Variants in LDB2 observed in about 807,000 individuals in gnomAD.
LDB2 encodes the protein LIM domain-binding protein 2.
LDB2 carries 12 observed loss-of-function variants against 44.3 expected under a neutral mutation model. The ratio of observed to expected loss-of-function variants is 0.27; its 90% CI spans 0.17 to 0.44. The LOEUF (loss-of-function observed/expected upper bound fraction) is 0.44, where lower values mean the gene tolerates loss of function less well. LDB2 is among the 20% of genes least tolerant of loss of function. The pLI is 1.00. For synonymous variants in LDB2, 164 were observed against 174.8 expected (o/e 0.94, Z 0.49); for missense variants, 344 against 473.5 (o/e 0.73, Z 2.54).
intron 5 of LDB2, among the ~76,000 whole-genome samples, chr4:16,576,606 AG>A (rs1711711621): frequency 1.3e-5 from 2 of 152,338 alleles, no homozygotes; most frequent in Admixed American, 6.5e-5. Context: ...CTTTCAGCAA[AG>A]AAAAGCCCAG....
intron 1 of LDB2, among the ~76,000 whole-genome samples, chr4:16,862,896 GC>G (rs1222786603): frequency 1.3e-5 from 2 of 152,262 alleles, no homozygotes; most frequent in East Asian, 3.9e-4. Flanking sequence ...AAGATGCCAA[GC>G]CCCTCAGAGA....
intron 2 of LDB2, chr4:16,750,974 C>T (rs1765372043): frequency 6.6e-6 from 1 of 152,286 alleles, no homozygotes; most frequent in Non-Finnish European, 1.5e-5. Context: ...GTTTTACCCA[C>T]TATGGGGTAG....
chr4:16,765,420 C>T (rs761250477), intron 1 of LDB2, among the ~76,000 whole-genome samples: 1 of 152,156 alleles, frequency 6.6e-6, no homozygotes, highest in Non-Finnish European at 1.5e-5. Context: ...AGTTTGTGGA[C>T]CCCTCTTTCA....
At chr4:16,856,285 G>A (rs926850499) in intron 1 of LDB2, among the ~76,000 whole-genome samples, 4 of 152,130 alleles carry the variant, frequency 2.6e-5, no homozygotes, top group Non-Finnish European at 5.9e-5. Context: ...TCAGGGAAAT[G>A]GAAGTTAAAT....
intron 2 of LDB2, among the ~76,000 whole-genome samples, chr4:16,650,854 C>T (rs1738081112): frequency 6.6e-6 from 1 of 152,210 alleles, no homozygotes; most frequent in Admixed American, 6.5e-5. Flanking sequence ...TCTCCTTTCT[C>T]CTAAGACAGG....
chr4:16,596,089 ATC>A (rs987859234), intron 2 of LDB2, among the ~76,000 whole-genome samples: 3 of 152,174 alleles, frequency 2.0e-5, no homozygotes, highest in African/African-American at 7.2e-5. Context: ...GCGTCCAGTC[ATC>A]TCTCTAGATT....
At chr4:16,526,469 C>T (rs1307897084) in intron 5 of LDB2, among the ~76,000 whole-genome samples, 1 of 152,208 alleles carries the variant, frequency 6.6e-6, no homozygotes, top group African/African-American at 2.4e-5. Flanking sequence ...CTGAAGATTG[C>T]AGATATCTAC....
chr4:16,859,188 G>C (rs2110244490), intron 1 of LDB2, among the ~76,000 whole-genome samples: 1 of 152,260 alleles, frequency 6.6e-6, no homozygotes, highest in East Asian at 1.9e-4. Context: ...TGCTTACTCT[G>C]ATCCCTGGGA....
chr4:16,614,312 C>T (rs1578211823), intron 2 of LDB2, among the ~76,000 whole-genome samples: 1 of 152,026 alleles, frequency 6.6e-6, no homozygotes, highest in African/African-American at 2.4e-5. Context: ...AAACCATAAA[C>T]ACTCTAGAAG....
At chr4:16,534,407 C>T (rs1277791157) in intron 5 of LDB2, among the ~76,000 whole-genome samples, 1 of 152,174 alleles carries the variant, frequency 6.6e-6, no homozygotes, top group Admixed American at 6.5e-5. Flanking sequence ...CCATTCCCCT[C>T]CTAAACACCC....
intron 1 of LDB2, among the ~76,000 whole-genome samples, chr4:16,760,156 T>C (rs988890875): frequency 6.6e-6 from 1 of 152,132 alleles, no homozygotes; most frequent in African/African-American, 2.4e-5. Flanking sequence ...ACCATGTTTT[T>C]CCAGAGAATT....
intron 5 of LDB2, among the ~76,000 whole-genome samples, chr4:16,567,395 CAT>C (rs1399099127): frequency 0.019 from 228 of 12,234 alleles, no homozygotes; most frequent in Non-Finnish European, 0.046. Flanking sequence ...CGCGTGTGTG[CAT>C]GCGTGTGTGT....
intron 5 of LDB2, among the ~76,000 whole-genome samples, chr4:16,576,491 G>A (rs1711652454): frequency 1.3e-5 from 2 of 152,000 alleles, no homozygotes; most frequent in Non-Finnish European, 2.9e-5. Flanking sequence ...AGAAGAAAGG[G>A]ACAAATTCCC....
chr4:16,688,179 T>TAC (rs768028967), intron 2 of LDB2, among the ~76,000 whole-genome samples: 46 of 152,242 alleles, frequency 3.0e-4, no homozygotes, highest in Non-Finnish European at 5.0e-4. Flanking sequence ...CTACTCTGCA[T>TAC]ACATGAGTGG....
At chr4:16,530,276 G>A (rs905272470) in intron 5 of LDB2, among the ~76,000 whole-genome samples, 5 of 152,132 alleles carry the variant, frequency 3.3e-5, no homozygotes, top group African/African-American at 1.2e-4. Flanking sequence ...TCAAGGTCTT[G>A]TCCTTTTCAC....
chr4:16,716,061 A>G (rs1757014017), intron 2 of LDB2, among the ~76,000 whole-genome samples: 1 of 152,200 alleles, frequency 6.6e-6, no homozygotes, highest in Non-Finnish European at 1.5e-5. Context: ...CAAAGTTTAT[A>G]TTTCTAAGTA....
intron 1 of LDB2, among the ~76,000 whole-genome samples, chr4:16,863,229 T>G (rs1713339452): frequency 6.6e-6 from 1 of 152,104 alleles, no homozygotes; most frequent in African/African-American, 2.4e-5. Context: ...TTTGAAAAGG[T>G]GCCAAAGATA....
At chr4:16,531,322 A>G (rs996899232) in intron 5 of LDB2, among the ~76,000 whole-genome samples, 8 of 126,680 alleles carry the variant, frequency 6.3e-5, no homozygotes, top group African/African-American at 2.2e-4. Context: ...CTTCCCTGTC[A>G]CCCTTGCTCC....
intron 1 of LDB2, among the ~76,000 whole-genome samples, chr4:16,873,781 T>C (rs1261230876): frequency 1.3e-5 from 2 of 152,220 alleles, no homozygotes; most frequent in Non-Finnish European, 2.9e-5. Context: ...TTTTAATTTT[T>C]AGTAAATTGC....
Sources: allele counts gnomAD v4.1 joint callset (sites outside exome capture counted in the v4.1 genomes callset), GRCh38; gene constraint gnomAD v4.1.1; transcripts MANE v1.5; gene names NCBI Gene and HGNC (gene_info 2026-07-23, HGNC 2026-07-21).